The following B3GAT1 variants were observed in gnomAD, a reference collection of about 807,000 sequenced individuals.
B3GAT1 encodes galactosylgalactosylxylosylprotein 3-beta-glucuronosyltransferase 1.
A neutral mutation model predicts 28.4 loss-of-function variants in B3GAT1; 11 were observed. The observed-to-expected ratio is 0.39, with a 90% CI of 0.24 to 0.64. The LOEUF is 0.64. Ranked by LOEUF, B3GAT1 falls within the 30% of genes least tolerant of loss-of-function variation. B3GAT1 has a pLI of 0.50. For synonymous variants in B3GAT1, 255 were observed against 223.1 expected, an observed-to-expected ratio of 1.14 and a Z score of -1.27; for missense variants, 375 against 491.0, an observed-to-expected ratio of 0.76 and a Z score of 2.23.
chr11:134,388,900 A>G (rs1346600176), intron 1 of B3GAT1: 1 of 152,278 alleles, frequency 6.6e-6, no homozygotes, highest in Non-Finnish European at 1.5e-5. Context: ...TATTGGGAAT[A>G]GTGCTGCGAT....
intron 2 of B3GAT1, chr11:134,386,357 C>T (rs1344262337): frequency 2.6e-5 from 4 of 152,328 alleles, no homozygotes; most frequent in South Asian, 2.1e-4. Flanking sequence ...GTATCATGCA[C>T]GCTGCAAACG....
At chr11:134,385,289 A>G (rs907394962) in intron 2 of B3GAT1, 18 of 152,182 alleles carry the variant, frequency 1.2e-4, no homozygotes, top group Admixed American at 9.8e-4. Flanking sequence ...AAAGGGGAGG[A>G]CCCCGGGCAT....
rs765116471 is a variant in B3GAT1 at position 134,387,565 on chromosome 11, A to T, written c.95T>A (p.Leu32Gln). The change falls in exon 2 of 6, where the codon CTG becomes CAG. Residue 32 changes from leucine (L) to glutamine (Q), a missense_variant. Transcript: ENST00000312527. ...GTGCTCACCCTTATGTACCGCGAGC[A>T]GGGGTGCGAGGGTGCTCTGGTGCCA... ...TVWHQSTLAP[L>Q]LAVHKDEGSD... 13 of 1,614,060 alleles carry T rather than the reference A, an allele frequency of 8.1e-6. No homozygotes were observed. In the East Asian group the frequency reaches 2.9e-4, roughly 36 times the overall value.
chr11:134,400,653 T>C lies in B3GAT1; in HGVS notation c.-282+11154A>G, dbSNP rs143917245. Among the ~76,000 whole-genome samples the C allele has an allele frequency of 3.7e-4, 56 of 152,280 alleles. No homozygotes were observed. In the East Asian group the frequency reaches 8.9e-3, roughly 24 times the overall value. On this transcript the variant is annotated intron_variant, in intron 1 of 5. Coordinates refer to ENST00000312527, the MANE Select transcript of B3GAT1 (RefSeq NM_054025.3). Reference sequence around the variant, plus strand: ...TTAAATGTTGTAAGACTTCAAACTATCTAAGAATCCTAGAAGAAAACCTAA... The same window carrying C: ...TTAAATGTTGTAAGACTTCAAACTACCTAAGAATCCTAGAAGAAAACCTAA...
intron 1 of B3GAT1, among the ~76,000 whole-genome samples, chr11:134,397,970 T>C (rs942544650): frequency 1.3e-5 from 2 of 152,134 alleles, no homozygotes; most frequent in Non-Finnish European, 2.9e-5. Flanking sequence ...GACGCCAGTC[T>C]GACCACAGCG....
In B3GAT1 at chr11:134,383,935, A is replaced by G; in HGVS notation, c.366T>C (p.Asp122=). The G allele has an allele frequency of 6.3e-7, 1 of 1,597,224 alleles. No homozygotes were observed. The highest frequency in any genetic ancestry group is 8.5e-7 in the Non-Finnish European group (1 of 1,176,810). ...VPNLHWLVVE[D]APRRTPLTAR... is the part of the protein sequence containing the mutation. ...CGGTCAGCGGCGTCCGGCGCGGCGC[A>G]TCCTCCACCACCAGCCAGTGGAGGT... The change falls in exon 3 of 6, where the codon GAT becomes GAC. Residue 122 remains aspartate, a synonymous_variant. Transcript: ENST00000312527.
intron 1 of B3GAT1, among the ~76,000 whole-genome samples, chr11:134,398,468 CAGTACTGATTTATGGCTTCCAAA>C (rs1944547607): frequency 6.6e-6 from 1 of 150,762 alleles, no homozygotes. Flanking sequence ...AGCTCACACG[CAGTACTGATTTATGGCTTCCAAA>C]AGGACTGCAC....
chr11:134,390,186 A>G (rs1944381353), intron 1 of B3GAT1: 1 of 152,228 alleles, frequency 6.6e-6, no homozygotes, highest in South Asian at 2.1e-4. Context: ...CCCACACGGG[A>G]TGCCTGCTGG....
intron 1 of B3GAT1, among the ~76,000 whole-genome samples, chr11:134,409,102 C>G (rs1024920171): frequency 2.0e-5 from 3 of 152,192 alleles, no homozygotes; most frequent in Non-Finnish European, 1.5e-5. Flanking sequence ...AGTATTTCTT[C>G]TAAAAACTGG....
In B3GAT1 at chr11:134,382,750, G is replaced by A; in HGVS notation, c.878C>T (p.Thr293Ile). ...TGCCTTGGGCTCCAGGTCGTTGAGG[G>A]TGACAAGTTCTCGAAGGAGGCTGCT... is the stretch of plus-strand genomic sequence containing the variant. Reference protein sequence around the residue: ...QESSLLRELVTLNDLEPKAAN... With the variant: ...QESSLLRELVILNDLEPKAAN... The change falls in exon 4 of 6, where the codon ACC becomes ATC. Residue 293 changes from threonine (T) to isoleucine (I), a missense_variant. Thr to Ile is a moderately conservative substitution (Grantham distance 89, BLOSUM62 -1). Coordinates refer to ENST00000312527, the MANE Select transcript of B3GAT1 (RefSeq NM_054025.3). 6.2e-7 allele frequency: 1 copy of A among 1,614,118 alleles called. No individual in the cohort carries two copies. Among genetic ancestry groups the A allele is most frequent in the East Asian group, 2.2e-5 (1 of 44,874 alleles).
At chr11:134,395,553 T>A (rs949148944) in intron 1 of B3GAT1, among the ~76,000 whole-genome samples, 2 of 152,050 alleles carry the variant, frequency 1.3e-5, no homozygotes, top group Non-Finnish European at 2.9e-5. Flanking sequence ...GGTCATGCTA[T>A]CTTTGGGATT....
intron 2 of B3GAT1, chr11:134,385,140 G>A (rs188684584): frequency 4.6e-5 from 7 of 152,328 alleles, no homozygotes; most frequent in Admixed American, 3.3e-4. Context: ...AACTTATCGA[G>A]TTATTATGTG....
Position 134,412,236 on chromosome 11 carries a change from CG to C in B3GAT1, c.-712del, listed in dbSNP as rs1944877325. 6.9e-6 allele frequency among the ~76,000 whole-genome samples: 1 copy of C among 145,288 alleles called. No individual in the cohort carries two copies. The highest frequency in any genetic ancestry group is 1.5e-5 in the Non-Finnish European group (1 of 65,460). ...GGCGGCGGATGCGCCGGTGCCGCCG[CG>C]GCTCTGCCGGCGCCTCCCGCCCCGC... On this transcript the variant is annotated 5_prime_UTR_variant, in exon 1 of 6. Coordinates refer to ENST00000312527, the MANE Select transcript of B3GAT1 (RefSeq NM_054025.3).
chr11:134,393,095 G>A lies in B3GAT1; in HGVS notation c.-281-5155C>T, dbSNP rs1042874013. The stretch of plus-strand genomic sequence containing the variant: ...TTCCCAAAGGCCTGCATGCGTGTGC[G>A]TGGTAGGTTACAAACAAGCTCAGAC... On this transcript the variant is annotated intron_variant, in intron 1 of 5. Coordinates refer to ENST00000312527, the MANE Select transcript of B3GAT1 (RefSeq NM_054025.3). This position sits in a 1 kb window ranked among gnomAD's most constrained non-coding sequence, Gnocchi z 4.0. 3.3e-5 allele frequency among the ~76,000 whole-genome samples: 5 copies of A among 152,180 alleles called. No individual in the cohort carries two copies. The highest frequency in any genetic ancestry group is 4.8e-5 in the African/African-American group (2 of 41,432).
At chr11:134,382,100 A>G (rs1028223011) in intron 4 of B3GAT1, 76 bp from the exon 5 acceptor site, 3 of 1,199,802 alleles carry the variant, frequency 2.5e-6, no homozygotes, top group Non-Finnish European at 3.7e-6. Context: ...TCCCTCCCAC[A>G]CTGTGTAAAC....
chr11:134,394,356 C>T lies in B3GAT1; in HGVS notation c.-281-6416G>A, dbSNP rs1944465425. On this transcript the variant is annotated intron_variant, in intron 1 of 5. Coordinates refer to ENST00000312527, the MANE Select transcript of B3GAT1 (RefSeq NM_054025.3). ...CCAAAGCTCAGAGAACCTGAGTGAT[C>T]GGCCTAAGGTCACTGCGTTAGGTGT... Among the ~76,000 whole-genome samples, 4 of 152,224 alleles carry T rather than the reference C, an allele frequency of 2.6e-5. No individual in the cohort carries two copies. The South Asian group carries it at 8.3e-4, about 31-fold the overall frequency.
chr11:134,410,276 T>C (rs1186312014), intron 1 of B3GAT1, among the ~76,000 whole-genome samples: 1 of 152,198 alleles, frequency 6.6e-6, no homozygotes, highest in African/African-American at 2.4e-5. Context: ...ACACAGCGCC[T>C]GCAAGCTTCC....
At chr11:134,390,882 A>G (rs1204048858) in intron 1 of B3GAT1, 2 of 152,272 alleles carry the variant, frequency 1.3e-5, no homozygotes, top group African/African-American at 4.8e-5. Context: ...GGTAAGGGGC[A>G]CACACAGGCC....
intron 1 of B3GAT1, among the ~76,000 whole-genome samples, chr11:134,404,137 A>G (rs564053912): frequency 3.4e-4 from 51 of 151,136 alleles, no homozygotes; most frequent in African/African-American, 1.2e-3. Flanking sequence ...ATCATTTAGC[A>G]TTAGCAATAT....
Sources: allele counts gnomAD v4.1 joint callset (sites outside exome capture counted in the v4.1 genomes callset), GRCh38; gene constraint gnomAD v4.1.1; non-coding constraint Gnocchi (gnomAD v3.1); transcripts MANE v1.5; gene names NCBI Gene and HGNC (gene_info 2026-07-23, HGNC 2026-07-21).